Variants in NUP37 observed in about 807,000 individuals in gnomAD.
The protein encoded by NUP37 is nucleoporin 37, also known as nucleoporin Nup37.
NUP37 carries 33 observed loss-of-function variants against 45.4 expected under a neutral mutation model. The observed-to-expected ratio is 0.73, with a 90% CI of 0.55 to 0.97. The LOEUF is 0.97. Among genes scored for constraint, NUP37 ranks in the 50% least tolerant of loss-of-function variants. The pLI, the probability that NUP37 is intolerant of heterozygous loss-of-function variation, is 0.00. For missense variants in NUP37, 365 were observed against 389.7 expected (o/e 0.94, Z 0.53); for synonymous variants, 127 against 130.7 (o/e 0.97, Z 0.19).
At chr12:102,115,101 T>C (rs1420985666) in intron 2 of NUP37, among the ~76,000 whole-genome samples, 2 of 152,218 alleles carry the variant, frequency 1.3e-5, no homozygotes. Context: ...CCATTTACCA[T>C]TGAGTCTAAT....
At chr12:102,108,604 A>C in intron 3 of NUP37, among the ~76,000 whole-genome samples, 1 of 152,142 alleles carries the variant, frequency 6.6e-6, no homozygotes, top group East Asian at 1.9e-4. Context: ...ACCCTAATAC[A>C]TACTCTATGT....
At chr12:102,101,212 C>G (rs1464517109) in intron 3 of NUP37, 108 bp from the exon 4 acceptor site, 3 of 548,936 alleles carry the variant, frequency 5.5e-6, no homozygotes, top group Non-Finnish European at 9.7e-6. Flanking sequence ...TATCATAACT[C>G]ATAATCATGC....
At chr12:102,102,402 T>G (rs1879998592) in intron 3 of NUP37, among the ~76,000 whole-genome samples, 1 of 152,244 alleles carries the variant, frequency 6.6e-6, no homozygotes, top group African/African-American at 2.4e-5. Flanking sequence ...AAAGCATGTC[T>G]TCTTTCAAGA....
chr12:102,083,055 T>C (rs868544837), intron 6 of NUP37, among the ~76,000 whole-genome samples: 11 of 152,154 alleles, frequency 7.2e-5, no homozygotes, highest in Admixed American at 1.3e-4. Flanking sequence ...GGAATTTTAA[T>C]GATATGTAGG....
chr12:102,086,397 G>GC (rs1284735391), intron 5 of NUP37, among the ~76,000 whole-genome samples: 1 of 152,104 alleles, frequency 6.6e-6, no homozygotes, highest in Non-Finnish European at 1.5e-5. Flanking sequence ...CAACCCAGTG[G>GC]CTACTTCCTA....
intron 3 of NUP37, among the ~76,000 whole-genome samples, chr12:102,107,493 C>T (rs956809492): frequency 3.3e-5 from 5 of 152,102 alleles, no homozygotes; most frequent in Admixed American, 1.3e-4. Flanking sequence ...TGAAGAAATA[C>T]GTGTCGGCTG....
At chr12:102,076,040 G>A (rs1879158161) in intron 8 of NUP37, among the ~76,000 whole-genome samples, 1 of 152,148 alleles carries the variant, frequency 6.6e-6, no homozygotes, top group African/African-American at 2.4e-5. Flanking sequence ...TGACATTGAT[G>A]AGCTGCTCAA....
At chr12:102,101,010 A>G (rs1250767999) in intron 4 of NUP37, 22 bp downstream of exon 4, 3 of 1,376,352 alleles carry the variant, frequency 2.2e-6, no homozygotes, top group African/African-American at 3.0e-5. Context: ...AGCTCTAAAG[A>G]TTTATATGGT....
chr12:102,109,836 G>C (rs1313886149), intron 3 of NUP37, among the ~76,000 whole-genome samples: 1 of 152,182 alleles, frequency 6.6e-6, no homozygotes, highest in East Asian at 1.9e-4. Flanking sequence ...GTAGATTAAA[G>C]AGGTATCACA....
intron 5 of NUP37, among the ~76,000 whole-genome samples, chr12:102,093,860 A>G (rs1185034909): frequency 1.3e-5 from 2 of 152,048 alleles, no homozygotes; most frequent in Admixed American, 1.3e-4. Flanking sequence ...TACTGTAGTC[A>G]CTGATTTGGT....
At chr12:102,084,424 T>A (rs1407966410) in intron 6 of NUP37, among the ~76,000 whole-genome samples, 1 of 152,130 alleles carries the variant, frequency 6.6e-6, no homozygotes, top group Non-Finnish European at 1.5e-5. Context: ...GGTGGGCAGA[T>A]CGCTTGAGAC....
chr12:102,074,628 G>C (rs1042511137), intron 9 of NUP37, 161 bp from the exon 10 acceptor site: 1 of 560,726 alleles, frequency 1.8e-6, no homozygotes, highest in Non-Finnish European at 3.1e-6. Flanking sequence ...TTATTGATAC[G>C]CAGCTGAAAC....
At chr12:102,087,984 TAACA>T (rs547836003) in intron 5 of NUP37, among the ~76,000 whole-genome samples, 241 of 152,256 alleles carry the variant, frequency 1.6e-3, no homozygotes, top group Non-Finnish European at 2.7e-3. Flanking sequence ...TTAAGAAAAC[TAACA>T]AACAAACAAA....
At chr12:102,110,560 T>C (rs1372756247) in intron 3 of NUP37, among the ~76,000 whole-genome samples, 3 of 149,714 alleles carry the variant, frequency 2.0e-5, no homozygotes, top group Middle Eastern at 3.6e-3. Flanking sequence ...TATTGGAGAA[T>C]AGGCCAGGTA....
At chr12:102,096,021 T>C (rs1879794057) in intron 5 of NUP37, among the ~76,000 whole-genome samples, 3 of 152,158 alleles carry the variant, frequency 2.0e-5, no homozygotes, top group Admixed American at 2.0e-4. Context: ...AGACTACCTA[T>C]GTCTTCATAT....
intron 5 of NUP37, among the ~76,000 whole-genome samples, chr12:102,087,813 T>G (rs1176493928): frequency 6.6e-6 from 1 of 152,190 alleles, no homozygotes; most frequent in Non-Finnish European, 1.5e-5. Context: ...CAAAATATTT[T>G]CATGATTTTT....
intron 5 of NUP37, among the ~76,000 whole-genome samples, chr12:102,092,378 G>A (rs554052918): frequency 6.6e-6 from 1 of 152,254 alleles, no homozygotes; most frequent in African/African-American, 2.4e-5. Context: ...AAAGAACAAA[G>A]TAATACAGAG....
At chr12:102,083,776 A>G (rs1879394779) in intron 6 of NUP37, among the ~76,000 whole-genome samples, 1 of 152,226 alleles carries the variant, frequency 6.6e-6, no homozygotes, top group African/African-American at 2.4e-5. Context: ...GACTCAGATA[A>G]TGCGGCTTTA....
At chr12:102,091,073 T>C (rs1013754746) in intron 5 of NUP37, among the ~76,000 whole-genome samples, 3 of 152,098 alleles carry the variant, frequency 2.0e-5, no homozygotes, top group Non-Finnish European at 4.4e-5. Context: ...TTCAGGACAG[T>C]GGTGCATCAC....
Sources: gnomAD v4.1 joint callset for allele counts (sites outside exome capture counted in the v4.1 genomes callset) on GRCh38, gnomAD v4.1.1 for gene constraint, MANE v1.5 for transcripts, NCBI Gene and HGNC (gene_info 2026-07-23, HGNC 2026-07-21) for gene names.